Variants in DOK6 observed in about 807,000 individuals in gnomAD.
DOK6 encodes the protein docking protein 6, also known as downstream of tyrosine kinase 6.
A neutral mutation model predicts 44.0 loss-of-function variants in DOK6; 22 were observed. That is an observed-to-expected ratio of 0.50 (90% confidence interval 0.36 to 0.71). The LOEUF (loss-of-function observed/expected upper bound fraction) is 0.71. DOK6 is among the 30% of genes least tolerant of loss of function. The pLI, the probability that DOK6 is intolerant of heterozygous loss-of-function variation, is 0.00. For missense variants in DOK6, 340 were observed against 416.4 expected (o/e 0.82, Z 1.60); for synonymous variants, 166 against 145.5 (o/e 1.14, Z -1.01).
chr18:69,511,989 T>A (rs1003940403), intron 1 of DOK6, among the ~76,000 whole-genome samples: 3 of 152,132 alleles, frequency 2.0e-5, no homozygotes, highest in Non-Finnish European at 4.4e-5. Flanking sequence ...TTGGATTATG[T>A]TTGGGCAGAT....
At chr18:69,756,442 T>C (rs1979357870) in intron 6 of DOK6, among the ~76,000 whole-genome samples, 1 of 152,168 alleles carries the variant, frequency 6.6e-6, no homozygotes, top group African/African-American at 2.4e-5. Context: ...AAAAGAAAGA[T>C]ACCTCAACAG....
intron 1 of DOK6, among the ~76,000 whole-genome samples, chr18:69,491,143 TATA>T (rs1164928962): frequency 6.6e-6 from 1 of 152,156 alleles, no homozygotes; most frequent in Non-Finnish European, 1.5e-5. Context: ...TGGCATGGTT[TATA>T]CTAAACATTC....
At chr18:69,423,366 T>C (rs1978549391) in intron 1 of DOK6, among the ~76,000 whole-genome samples, 1 of 152,202 alleles carries the variant, frequency 6.6e-6, no homozygotes, top group Non-Finnish European at 1.5e-5. Flanking sequence ...AACCTTTTGC[T>C]ATCTTGCCAT....
At chr18:69,592,776 A>G (rs1381793502) in intron 2 of DOK6, among the ~76,000 whole-genome samples, 2 of 152,306 alleles carry the variant, frequency 1.3e-5, no homozygotes, top group Non-Finnish European at 2.9e-5. Flanking sequence ...TTAAAAGTAC[A>G]TATTATTTTT....
At position 69,590,260 on chromosome 18, in the gene DOK6, C is replaced by A. The variant is rs548329077; in HGVS notation, c.175-9124C>A. ...ACTTACTGTGTCCTGCATAAGAACA[C>A]AAACGGATTTCATAATGAGCCAGAA... On this transcript the variant is annotated intron_variant, in intron 2 of 7. Coordinates refer to ENST00000382713, the MANE Select transcript of DOK6 (RefSeq NM_152721.6). 5.9e-5 allele frequency among the ~76,000 whole-genome samples: 9 copies of A among 152,238 alleles called. No individual in the cohort carries two copies. In the East Asian group the frequency reaches 1.7e-3, roughly 29 times the overall value.
intron 1 of DOK6, among the ~76,000 whole-genome samples, chr18:69,478,535 A>G (rs1980330632): frequency 6.6e-6 from 1 of 152,340 alleles, no homozygotes; most frequent in South Asian, 2.1e-4. Context: ...TCCTAACTAC[A>G]ACCTCCTCAG....
chr18:69,593,690 G>A (rs932527680), intron 2 of DOK6, among the ~76,000 whole-genome samples: 2 of 152,038 alleles, frequency 1.3e-5, no homozygotes, highest in African/African-American at 4.8e-5. Flanking sequence ...CTATCCATTA[G>A]CTTATTTTGT....
At chr18:69,506,002 G>T (rs1437096901) in intron 1 of DOK6, among the ~76,000 whole-genome samples, 1 of 151,840 alleles carries the variant, frequency 6.6e-6, no homozygotes, top group East Asian at 1.9e-4. Context: ...GGTGGGATCA[G>T]TGTGACAGTT....
chr18:69,439,444 T>G (rs1979076667), intron 1 of DOK6, among the ~76,000 whole-genome samples: 1 of 152,236 alleles, frequency 6.6e-6, no homozygotes, highest in African/African-American at 2.4e-5. Flanking sequence ...GATATGAAAG[T>G]CCTGAATGGC....
intron 3 of DOK6, among the ~76,000 whole-genome samples, chr18:69,631,506 T>C (rs1405066704): frequency 6.6e-6 from 1 of 152,162 alleles, no homozygotes; most frequent in Non-Finnish European, 1.5e-5. Flanking sequence ...CTCAGTTTGG[T>C]CAGCTGAGTC....
intron 1 of DOK6, among the ~76,000 whole-genome samples, chr18:69,433,364 T>C (rs1978859771): frequency 6.6e-6 from 1 of 152,198 alleles, no homozygotes; most frequent in Non-Finnish European, 1.5e-5. Flanking sequence ...AAAAGCATAA[T>C]AGTTTTGACT....
intron 1 of DOK6, among the ~76,000 whole-genome samples, chr18:69,442,920 A>G (rs192877790): frequency 6.6e-6 from 1 of 152,354 alleles, no homozygotes; most frequent in Admixed American, 6.5e-5. Flanking sequence ...GCATACTAAT[A>G]GCACAAAGCA....
chr18:69,539,992 C>T (rs2144580277), intron 1 of DOK6, among the ~76,000 whole-genome samples: 2 of 151,814 alleles, frequency 1.3e-5, no homozygotes, highest in Middle Eastern at 6.8e-3. Context: ...CAGCATCTTT[C>T]ACAAGGCGGC....
intron 3 of DOK6, among the ~76,000 whole-genome samples, chr18:69,610,399 GTACAAGAACATTA>G (rs948437791): frequency 1.3e-5 from 2 of 152,078 alleles, no homozygotes; most frequent in Non-Finnish European, 2.9e-5. Context: ...GAGGATACAG[GTACAAGAACATTA>G]AGTACATTAT....
At chr18:69,410,591 C>A (rs992264284) in intron 1 of DOK6, among the ~76,000 whole-genome samples, 1 of 152,168 alleles carries the variant, frequency 6.6e-6, no homozygotes, top group Non-Finnish European at 1.5e-5. Flanking sequence ...CAAAAAATTT[C>A]TTCGATGTAC....
At chr18:69,441,761 A>T (rs1237850122) in intron 1 of DOK6, among the ~76,000 whole-genome samples, 1 of 152,186 alleles carries the variant, frequency 6.6e-6, no homozygotes, top group Non-Finnish European at 1.5e-5. Flanking sequence ...CAGCTGTTGC[A>T]TTGTGAAAAG....
rs570361975 is a variant in DOK6 at position 69,763,683 on chromosome 18, T to A, written c.856+5810T>A. Among the ~76,000 whole-genome samples, 27 of 152,310 alleles carry A rather than the reference T, an allele frequency of 1.8e-4. 1 individual carries two copies. The South Asian group carries it at 3.5e-3, about 20-fold the overall frequency. ...AACAAGGAAATCAGATTACTGAGTT[T>A]TTCTTACTTTAGGGCTCTCACCTTG... is the stretch of plus-strand genomic sequence containing the variant. On this transcript the variant is annotated intron_variant, in intron 7 of 7. Transcript: ENST00000382713.
At chr18:69,696,446 G>A (rs1986391269) in intron 4 of DOK6, among the ~76,000 whole-genome samples, 1 of 152,076 alleles carries the variant, frequency 6.6e-6, no homozygotes, top group Non-Finnish European at 1.5e-5. Flanking sequence ...TCAATATTTT[G>A]GAAGAAATGT....
intron 7 of DOK6, among the ~76,000 whole-genome samples, chr18:69,766,859 G>A (rs1171305869): frequency 6.6e-6 from 1 of 151,970 alleles, no homozygotes; most frequent in Non-Finnish European, 1.5e-5. Flanking sequence ...ATTTATTCCA[G>A]TGTTGACTTG....
Sources: allele counts gnomAD v4.1 joint callset (sites outside exome capture counted in the v4.1 genomes callset), GRCh38; gene constraint gnomAD v4.1.1; transcripts MANE v1.5; gene names NCBI Gene and HGNC (gene_info 2026-07-23, HGNC 2026-07-21).